Variants in USP36 observed in about 807,000 individuals in gnomAD.
The protein encoded by USP36 is ubiquitin carboxyl-terminal hydrolase 36.
USP36 carries 59 observed loss-of-function variants against 111.5 expected under a neutral mutation model. The observed-to-expected ratio is 0.53, with a 90% CI of 0.43 to 0.66. The LOEUF (loss-of-function observed/expected upper bound fraction) is 0.66. USP36 is among the 30% of genes least tolerant of loss of function. USP36 has a pLI of 0.00. For synonymous variants in USP36, 628 were observed against 581.0 expected (o/e 1.08, Z -1.16); for missense variants, 1,488 against 1,468.0 (o/e 1.01, Z -0.22).
downstream of USP36, among the ~76,000 whole-genome samples, chr17:78,792,557 C>T (rs760010435): frequency 6.6e-6 from 1 of 152,180 alleles, no homozygotes; most frequent in Non-Finnish European, 1.5e-5. Context: ...ATTCTCAGGC[C>T]TCATCCCAGA....
At chr17:78,812,351 T>C (rs936960289) in intron 13 of USP36, among the ~76,000 whole-genome samples, 1 of 152,178 alleles carries the variant, frequency 6.6e-6, no homozygotes, top group Admixed American at 6.6e-5. Flanking sequence ...TTCTCATTCA[T>C]GTCTCCTCTT....
intron 13 of USP36, among the ~76,000 whole-genome samples, chr17:78,808,008 T>C (rs935816554): frequency 2.0e-5 from 3 of 152,174 alleles, no homozygotes; most frequent in Non-Finnish European, 2.9e-5. Context: ...CTGGCCTGAA[T>C]ACATATCTTT....
intron 4 of USP36, among the ~76,000 whole-genome samples, chr17:78,829,437 C>T (rs2067876849): frequency 6.6e-6 from 1 of 152,110 alleles, no homozygotes; most frequent in Non-Finnish European, 1.5e-5. Context: ...GCTGACAGCC[C>T]CTTAGTAGTG....
intron 11 of USP36, among the ~76,000 whole-genome samples, chr17:78,814,148 A>ATTTTGCC (rs747357961): frequency 2.6e-5 from 4 of 152,030 alleles, no homozygotes; most frequent in Non-Finnish European, 4.4e-5. Flanking sequence ...ACCATGGCCG[A>ATTTTGCC]TTTTGCCAGG....
chr17:78,809,030 C>T (rs1230188658), intron 13 of USP36, among the ~76,000 whole-genome samples: 1 of 152,166 alleles, frequency 6.6e-6, no homozygotes, highest in Non-Finnish European at 1.5e-5. Context: ...TTTTTCAAAA[C>T]ATTTGCTAAT....
chr17:78,838,902 T>A lies in USP36; in HGVS notation c.-173-152A>T, dbSNP rs928975277. On this transcript the variant is annotated intron_variant, in intron 1 of 20. Coordinates refer to ENST00000449938, the MANE Select transcript of USP36 (RefSeq NM_001385174.1). ...ACGCGTGCACTCAGGATGAGGCGGG[T>A]GGACCGTACTACCTCATCACCAGTT... 3 of 151,772 alleles carry A rather than the reference T, an allele frequency of 2.0e-5. No homozygotes were observed. The South Asian group carries it at 6.3e-4, about 32-fold the overall frequency. The allele number at this position is 151,772 out of a possible 1,614,324, so 9.4% of individuals were successfully genotyped here.
chr17:78,837,874 T>C (rs545749274), intron 2 of USP36, among the ~76,000 whole-genome samples: 5 of 152,344 alleles, frequency 3.3e-5, no homozygotes, highest in African/African-American at 1.2e-4. Context: ...AATTTATCAC[T>C]GTGGATCATC....
chr17:78,819,634 T>C (rs2094271640), intron 9 of USP36, among the ~76,000 whole-genome samples: 1 of 152,240 alleles, frequency 6.6e-6, no homozygotes, highest in Non-Finnish European at 1.5e-5. Flanking sequence ...GCTGGTCACT[T>C]CACTTCTCTG....
chr17:78,824,367 G>C (rs916861470), intron 6 of USP36, among the ~76,000 whole-genome samples: 3 of 152,180 alleles, frequency 2.0e-5, no homozygotes, highest in African/African-American at 7.2e-5. Context: ...GAGGAGCGAG[G>C]AAAACAGGAC....
intron 3 of USP36, among the ~76,000 whole-genome samples, chr17:78,789,543 G>A (rs983664198): frequency 3.3e-5 from 5 of 152,212 alleles, no homozygotes; most frequent in East Asian, 1.9e-4. Context: ...GTTAATCCCC[G>A]CAAGAGGCTG....
Position 78,798,126 on chromosome 17 carries a change from C to T in USP36, c.*21-247G>A, listed in dbSNP as rs912831415. The T allele has an allele frequency of 4.6e-6, 2 of 430,312 alleles. No individual in the cohort carries two copies. The highest frequency in any genetic ancestry group is 2.0e-5 in the African/African-American group (1 of 49,430). The allele number at this position is 430,312 out of a possible 1,614,324, so 26.7% of individuals were successfully genotyped here. A position where few individuals can be genotyped will look rare whatever the true frequency, so the allele number is the denominator to read the frequency against. Reference sequence around the variant, plus strand: ...ACATGCCACAGATGCCAGGTGTACACACCCCACACCCAACACACACTACAC... The same window carrying T: ...ACATGCCACAGATGCCAGGTGTACATACCCCACACCCAACACACACTACAC... On this transcript the variant is annotated intron_variant, in intron 20 of 20. Coordinates refer to ENST00000449938, the MANE Select transcript of USP36 (RefSeq NM_001385174.1). The surrounding 1 kb of genome is among the most constrained non-coding windows in gnomAD (Gnocchi z 5.1).
chr17:78,809,092 G>A (rs2093987127), intron 13 of USP36, among the ~76,000 whole-genome samples: 1 of 152,186 alleles, frequency 6.6e-6, no homozygotes, highest in Non-Finnish European at 1.5e-5. Context: ...CTCTGCACAT[G>A]CACTAAAGTG....
At chr17:78,841,048 C>T (rs941626207), upstream of USP36, 2 of 152,264 alleles carry the variant, frequency 1.3e-5, no homozygotes, top group African/African-American at 4.8e-5. Flanking sequence ...GGCGCTCCCG[C>T]CCCTGTGCCG....
intron 16 of USP36, among the ~76,000 whole-genome samples, chr17:78,802,837 C>T (rs1047498457): frequency 6.6e-5 from 10 of 152,222 alleles, no homozygotes; most frequent in Admixed American, 2.0e-4. Flanking sequence ...GACACCTGAT[C>T]CAGCATCCTT....
intron 3 of USP36, among the ~76,000 whole-genome samples, chr17:78,789,842 G>T (rs918308440): frequency 2.0e-5 from 3 of 152,206 alleles, no homozygotes; most frequent in Non-Finnish European, 2.9e-5. Flanking sequence ...AAACAAAGGG[G>T]GTGCGGGTAG....
chr17:78,800,302 G>A (rs755311350), intron 17 of USP36, among the ~76,000 whole-genome samples: 4 of 152,152 alleles, frequency 2.6e-5, no homozygotes, highest in Non-Finnish European at 4.4e-5. Flanking sequence ...TGGAGGGAAC[G>A]GCCAAGCTTG....
rs963906887 is a variant in USP36 at position 78,811,022 on chromosome 17, G to A, written c.1407+1838C>T. On this transcript the variant is annotated intron_variant, in intron 13 of 20. Coordinates refer to ENST00000449938, the MANE Select transcript of USP36 (RefSeq NM_001385174.1). ...ACAGCTACTCAGGAGGCAGAGGCAG[G>A]AGAATCGCTTGAACCCAAGAGGCGG... is the stretch of plus-strand genomic sequence containing the variant. Among the ~76,000 whole-genome samples, 6 of 150,896 alleles carry A rather than the reference G, an allele frequency of 4.0e-5. No individual in the cohort carries two copies. The South Asian group carries it at 1.0e-3, about 26-fold the overall frequency.
intron 17 of USP36, among the ~76,000 whole-genome samples, chr17:78,801,846 A>G (rs1192465656): frequency 2.0e-5 from 3 of 152,186 alleles, no homozygotes; most frequent in Non-Finnish European, 4.4e-5. Flanking sequence ...CATTCACAGA[A>G]TGTTTTAAAG....
intron 3 of USP36, among the ~76,000 whole-genome samples, chr17:78,790,084 A>G (rs957220110): frequency 3.9e-5 from 6 of 152,018 alleles, no homozygotes; most frequent in Non-Finnish European, 8.8e-5. Context: ...AAAATGGCAG[A>G]ATAATACCTT....
Sources: gnomAD v4.1 joint callset for allele counts (sites outside exome capture counted in the v4.1 genomes callset) on GRCh38, gnomAD v4.1.1 for gene constraint, Gnocchi (gnomAD v3.1) non-coding constraint, MANE v1.5 for transcripts, NCBI Gene and HGNC (gene_info 2026-07-23, HGNC 2026-07-21) for gene names.